XKR4: variants seen among roughly 807,000 people sequenced by gnomAD.
XKR4 encodes the protein XK related 4.
Under a neutral mutation model 53.9 loss-of-function variants are expected in XKR4, and 12 were observed. That is an observed-to-expected ratio of 0.22 (90% CI 0.14 to 0.36). The LOEUF (loss-of-function observed/expected upper bound fraction) is 0.36, where lower values mean the gene tolerates loss of function less well. Among genes scored for constraint, XKR4 ranks in the 10% least tolerant of loss-of-function variants. The pLI is 1.00. For synonymous variants in XKR4, 354 were observed against 362.4 expected (o/e 0.98, Z 0.26); for missense variants, 799 against 859.5 (o/e 0.93, Z 0.88).
At chr8:55,430,347 A>G (rs962062822) in intron 2 of XKR4, among the ~76,000 whole-genome samples, 8 of 152,236 alleles carry the variant, frequency 5.3e-5, no homozygotes, top group African/African-American at 1.9e-4. Flanking sequence ...AAACCTGTGC[A>G]TCAAAAGTCA....
At position 55,103,050 on chromosome 8, in the gene XKR4, C is replaced by T; in HGVS notation, c.562C>T (p.Pro188Ser). Reference sequence around the variant, plus strand: ...CGCTGCTGCCTCCAGCTGCCCGCAGCCTGGAGCCGATTGCAAGACGGTGGT... The same window carrying T: ...CGCTGCTGCCTCCAGCTGCCCGCAGTCTGGAGCCGATTGCAAGACGGTGGT... ...TAAAASSCPQ[P>S]GADCKTVVGG... The change falls in exon 1 of 3, where the codon CCT (proline) becomes TCT (serine). Residue 188 changes from proline to serine, a missense_variant. Around this residue, in one of 3 missense-constraint regions of XKR4, gnomAD observed 476 missense variants for 505.4 expected, o/e 0.94. Transcript: ENST00000327381. The T allele has an allele frequency of 6.2e-7, 1 of 1,612,768 alleles. No homozygotes were observed. Among genetic ancestry groups the T allele is most frequent in the Non-Finnish European group, 8.5e-7 (1 of 1,179,748 alleles).
chr8:55,340,590 G>A (rs767517651), intron 1 of XKR4, among the ~76,000 whole-genome samples: 5 of 152,228 alleles, frequency 3.3e-5, no homozygotes, highest in Non-Finnish European at 5.9e-5. Context: ...GCCAGCTCAG[G>A]ATCCTTCCCA....
chr8:55,188,574 GT>G (rs1486236427), intron 1 of XKR4, among the ~76,000 whole-genome samples: 3 of 152,142 alleles, frequency 2.0e-5, no homozygotes, highest in African/African-American at 7.2e-5. Context: ...TTTCTGAAGT[GT>G]CTCCTTTGAA....
intron 2 of XKR4, among the ~76,000 whole-genome samples, chr8:55,484,298 A>G (rs374435155): frequency 3.3e-5 from 5 of 152,252 alleles, no homozygotes; most frequent in African/African-American, 1.2e-4. Flanking sequence ...AGCATAGAAA[A>G]GGAAGAAACA....
intron 1 of XKR4, among the ~76,000 whole-genome samples, chr8:55,171,902 C>G (rs2129358551): frequency 6.6e-6 from 1 of 152,310 alleles, no homozygotes; most frequent in East Asian, 1.9e-4. Context: ...TCTTGCCCCA[C>G]TGCCAGGCTT....
chr8:55,484,323 T>C (rs67410454), intron 2 of XKR4, among the ~76,000 whole-genome samples: 52,400 of 152,072 alleles, frequency 0.34, 10,966 homozygotes, highest in African/African-American at 0.6. Context: ...CCAATTATTT[T>C]TATGAAACTC....
intron 2 of XKR4, among the ~76,000 whole-genome samples, chr8:55,382,689 C>A (rs984093043): frequency 6.6e-6 from 1 of 152,084 alleles, no homozygotes; most frequent in Admixed American, 6.6e-5. Context: ...GGTGGATGCC[C>A]AAATAATACC....
rs186785074 is a variant in XKR4 at position 55,354,085 on chromosome 8, G to C, written c.807-3593G>C. Among the ~76,000 whole-genome samples, 4 of 152,272 alleles carry C rather than the reference G, an allele frequency of 2.6e-5. No individual in the cohort carries two copies. The East Asian group carries it at 5.8e-4, about 22-fold the overall frequency. On this transcript the variant is annotated intron_variant, in intron 1 of 2. Coordinates refer to ENST00000327381, the MANE Select transcript of XKR4 (RefSeq NM_052898.2). ...ATTGTGGATGATAAAACAGTGTTGAGATACCCCCATAATTACCTAGAGACA... is the reference window on the plus strand; with the variant it reads ...ATTGTGGATGATAAAACAGTGTTGACATACCCCCATAATTACCTAGAGACA...
At chr8:55,402,452 A>C (rs189450138) in intron 2 of XKR4, among the ~76,000 whole-genome samples, 20 of 152,346 alleles carry the variant, frequency 1.3e-4, no homozygotes, top group Admixed American at 4.6e-4. Flanking sequence ...TGTGGGACCA[A>C]AAGAGTAGCC....
At chr8:55,450,821 C>A in intron 2 of XKR4, 1 of 499,414 alleles carries the variant, frequency 2.0e-6, no homozygotes, top group Non-Finnish European at 3.8e-6. Context: ...GTGGTGATGT[C>A]CCAGCCGTCC....
chr8:55,501,195 G>C (rs940242009), intron 2 of XKR4, among the ~76,000 whole-genome samples: 3 of 152,222 alleles, frequency 2.0e-5, no homozygotes, highest in African/African-American at 7.2e-5. Flanking sequence ...AGTACTCAGC[G>C]ACAGTGTACA....
At chr8:55,299,001 A>C (rs910390285) in intron 1 of XKR4, among the ~76,000 whole-genome samples, 1 of 152,162 alleles carries the variant, frequency 6.6e-6, no homozygotes, top group Non-Finnish European at 1.5e-5. Flanking sequence ...TACAGTCCAC[A>C]TTCTATGTTG....
At chr8:55,175,091 T>C (rs1237390033) in intron 1 of XKR4, among the ~76,000 whole-genome samples, 1 of 152,202 alleles carries the variant, frequency 6.6e-6, no homozygotes, top group African/African-American at 2.4e-5. Context: ...CCTCATAAGA[T>C]GCTGTTGCAT....
intron 2 of XKR4, among the ~76,000 whole-genome samples, chr8:55,479,161 C>T (rs1006778728): frequency 7.9e-5 from 12 of 152,062 alleles, no homozygotes; most frequent in African/African-American, 2.9e-4. Context: ...TAAAGCACTC[C>T]TCAGCAAATA....
chr8:55,371,913 C>T (rs1327035873), intron 2 of XKR4, among the ~76,000 whole-genome samples: 1 of 152,170 alleles, frequency 6.6e-6, no homozygotes, highest in Admixed American at 6.5e-5. Flanking sequence ...AAATAAGGGG[C>T]CTGACTATTT....
At chr8:55,198,387 A>G (rs1442459685) in intron 1 of XKR4, among the ~76,000 whole-genome samples, 1 of 152,184 alleles carries the variant, frequency 6.6e-6, no homozygotes, top group African/African-American at 2.4e-5. Context: ...AACCAGTATA[A>G]ACAGTAAAAG....
chr8:55,356,389 A>C (rs1803796882), intron 1 of XKR4, among the ~76,000 whole-genome samples: 1 of 152,202 alleles, frequency 6.6e-6, no homozygotes, highest in Non-Finnish European at 1.5e-5. Flanking sequence ...ATGCAAATAC[A>C]ATCATTAAAA....
chr8:55,497,761 T>C (rs1806372561), intron 2 of XKR4, among the ~76,000 whole-genome samples: 1 of 150,646 alleles, frequency 6.6e-6, no homozygotes, highest in African/African-American at 2.4e-5. Context: ...CACTAGCCCT[T>C]GTCCCTGCAG....
At chr8:55,110,693 C>G (rs1358184806) in intron 1 of XKR4, among the ~76,000 whole-genome samples, 1 of 152,100 alleles carries the variant, frequency 6.6e-6, no homozygotes, top group African/African-American at 2.4e-5. Context: ...CCTGGTTTTG[C>G]TGATAGAATA....
Sources: gnomAD v4.1 joint callset for allele counts (sites outside exome capture counted in the v4.1 genomes callset) on GRCh38, gnomAD v4.1.1 for gene constraint, gnomAD v4.1.1 regional missense constraint, MANE v1.5 for transcripts, NCBI Gene and HGNC (gene_info 2026-07-23, HGNC 2026-07-21) for gene names.